WDCP: variants seen among roughly 807,000 people sequenced by gnomAD.
The protein encoded by WDCP is WD repeat and coiled-coil-containing protein.
A neutral mutation model predicts 41.6 loss-of-function variants in WDCP; 19 were observed. That is an observed-to-expected ratio of 0.46 (90% confidence interval 0.32 to 0.67). The LOEUF (loss-of-function observed/expected upper bound fraction) is 0.67, where lower values mean the gene tolerates loss of function less well. Ranked by LOEUF, WDCP falls within the 30% of genes least tolerant of loss-of-function variation. The probability of loss-of-function intolerance (pLI) is 0.04; values close to 1 mark genes in which losing one functional copy is unlikely to be tolerated. For synonymous variants in WDCP, 302 were observed against 320.8 expected (o/e 0.94, Z 0.63); for missense variants, 802 against 850.7 (o/e 0.94, Z 0.71).
chr2:24,032,489 C>T (rs1663124364), intron 3 of WDCP, among the ~76,000 whole-genome samples: 1 of 152,102 alleles, frequency 6.6e-6, no homozygotes, highest in Non-Finnish European at 1.5e-5. Context: ...GGTGGCAGAG[C>T]AAGACTCCAT....
Position 24,031,055 on chromosome 2 carries a change from C to T in WDCP, c.2044G>A (p.Val682Ile). 6.2e-7 allele frequency: 1 copy of T among 1,614,226 alleles called. No homozygotes were observed. Among genetic ancestry groups the T allele is most frequent in the South Asian group, 1.1e-5 (1 of 91,086 alleles). ...CTGTGAGAAAAAGAGTCTCTGAAGACATCTGACCTGGACAGGCTGCCATCT... is the reference window on the plus strand; with the variant it reads ...CTGTGAGAAAAAGAGTCTCTGAAGATATCTGACCTGGACAGGCTGCCATCT... ...IRDGSLSRSD[V>I]FRDSFSHSPG... The change falls in exon 4 of 4, where the codon GTC becomes ATC. Residue 682 changes from valine to isoleucine, a missense_variant. Val to Ile is a conservative substitution (Grantham distance 29). Coordinates refer to ENST00000295148, the MANE Select transcript of WDCP (RefSeq NM_025203.3).
chr2:24,036,226 C>A (rs1663252610), intron 2 of WDCP, among the ~76,000 whole-genome samples: 1 of 151,846 alleles, frequency 6.6e-6, no homozygotes, highest in Non-Finnish European at 1.5e-5. Context: ...AGGGTTGGGG[C>A]CACATGCAGT....
At chr2:24,046,664 G>A (rs543430537) in intron 1 of WDCP, among the ~76,000 whole-genome samples, 11 of 152,060 alleles carry the variant, frequency 7.2e-5, no homozygotes, top group East Asian at 1.9e-4. Context: ...CAAGTTTATT[G>A]TATTTCCACT....
chr2:24,038,125 T>G lies in WDCP; in HGVS notation c.1370A>C (p.Lys457Thr), dbSNP rs990955417. ...TYSTFSAPLN[K>T]ANRKKLIESL... The stretch of plus-strand genomic sequence containing the variant: ...TTCAATTAACTTTTTTCTATTTGCT[T>G]TATTTAACGGAGCACTGAAAGTAGA... Residue 457 changes from lysine (K) to threonine (T), a missense_variant, in exon 2 of 4, where the codon AAA (lysine) becomes ACA (threonine). Coordinates refer to ENST00000295148, the MANE Select transcript of WDCP (RefSeq NM_025203.3). 6.2e-7 allele frequency: 1 copy of G among 1,614,232 alleles called. No individual in the cohort carries two copies. The highest frequency in any genetic ancestry group is 1.3e-5 in the African/African-American group (1 of 75,066).
chr2:24,043,404 A>T (rs879553546), intron 1 of WDCP, among the ~76,000 whole-genome samples: 32 of 152,018 alleles, frequency 2.1e-4, no homozygotes, highest in Admixed American at 1.2e-3. Context: ...CCAACAATTT[A>T]GGAGGCCAAG....
rs553987927 is a variant in WDCP at position 24,030,321 on chromosome 2, C to T, written c.*612G>A. 3 of 152,244 alleles carry T rather than the reference C, an allele frequency of 2.0e-5. No individual in the cohort carries two copies. In the South Asian group the frequency reaches 6.2e-4, roughly 32 times the overall value. The allele number at this position is 152,244 out of a possible 1,614,324, so 9.4% of individuals were successfully genotyped here. The stretch of plus-strand genomic sequence containing the variant: ...TCCCAGGGCCAGTTTTTAAGAGTAC[C>T]TGGACCTTCGTCAGCCAGAATTTGT... On this transcript the variant is annotated 3_prime_UTR_variant, in exon 4 of 4. Transcript: ENST00000295148.
chr2:24,035,339 A>G (rs979831475), intron 2 of WDCP, among the ~76,000 whole-genome samples: 1 of 130,488 alleles, frequency 7.7e-6, no homozygotes, highest in Non-Finnish European at 1.7e-5. Flanking sequence ...AAAAGGGGAA[A>G]TAAAAATACA....
At chr2:24,042,167 C>G (rs1208774517) in intron 1 of WDCP, among the ~76,000 whole-genome samples, 2 of 151,924 alleles carry the variant, frequency 1.3e-5, no homozygotes, top group Non-Finnish European at 2.9e-5. Context: ...TTTGGGAGCC[C>G]GAGAAGGGCA....
intron 3 of WDCP, among the ~76,000 whole-genome samples, chr2:24,031,721 G>C (rs1198026949): frequency 6.6e-6 from 1 of 152,072 alleles, no homozygotes; most frequent in Non-Finnish European, 1.5e-5. Flanking sequence ...AGCTACTCGG[G>C]AGGCTGAGGC....
chr2:24,038,582 T>C lies in WDCP; in HGVS notation c.913A>G (p.Lys305Glu), dbSNP rs1248887857. The C allele has an allele frequency of 8.1e-6, 13 of 1,613,992 alleles. No individual in the cohort carries two copies. In the Admixed American group the frequency reaches 2.2e-4, roughly 27 times the overall value. ...SEGNSLICLR[K>E]KDYLTGTGQD... ...CCAGTTCCTGTCAAGTAGTCCTTTT[T>C]TCTTAGACAAATAAGAGAATTACCC... Residue 305 changes from lysine to glutamate, a missense_variant, in exon 2 of 4, where the codon AAA becomes GAA. Lys to Glu is a moderately conservative substitution (Grantham distance 56, BLOSUM62 1). Transcript: ENST00000295148.
intron 1 of WDCP, among the ~76,000 whole-genome samples, chr2:24,043,697 T>C (rs945885817): frequency 6.6e-6 from 1 of 152,230 alleles, no homozygotes; most frequent in African/African-American, 2.4e-5. Context: ...AGTGCTTCCC[T>C]GTCACTGAAT....
rs1041213530 is a variant in WDCP, at chr2:24,047,386, A to C, written c.-91T>G. 6.6e-6 allele frequency: 1 copy of C among 152,124 alleles called. No individual in the cohort carries two copies. The highest frequency in any genetic ancestry group is 2.4e-5 in the African/African-American group (1 of 41,404). The allele number at this position is 152,124 out of a possible 1,614,324, so 9.4% of individuals were successfully genotyped here. ...CAACATCACGCCGCCGCACATAAGA[A>C]GTTCTGGGCAGCCACCGGAAGCACC... On this transcript the variant is annotated 5_prime_UTR_variant, in exon 1 of 4. Coordinates refer to ENST00000295148, the MANE Select transcript of WDCP (RefSeq NM_025203.3).
chr2:24,033,034 T>C (rs541823640), intron 2 of WDCP, 88 bp from the exon 3 acceptor site: 6 of 886,174 alleles, frequency 6.8e-6, no homozygotes, highest in Middle Eastern at 4.4e-4. Flanking sequence ...AATAGTTTTT[T>C]AAAAAATTCT....
chr2:24,039,482 T>C lies in WDCP; in HGVS notation c.13A>G (p.Lys5Glu). 6.2e-7 allele frequency: 1 copy of C among 1,611,052 alleles called. No homozygotes were observed. The highest frequency in any genetic ancestry group is 8.5e-7 in the Non-Finnish European group (1 of 1,177,332). The change falls in exon 2 of 4, where the codon AAA (lysine) becomes GAA (glutamate). Residue 5 changes from lysine to glutamate, a missense_variant. Physicochemically the swap from Lys to Glu is moderately conservative, Grantham distance 56. This residue lies in a region of WDCP where 214 missense variants were observed against 252.9 expected (regional missense o/e 0.85). Coordinates refer to ENST00000295148, the MANE Select transcript of WDCP (RefSeq NM_025203.3). Reference sequence around the variant, plus strand: ...AGTCCAGTCCTGAGTAGTTTTCCTTTTCCCAACTCCATCCTTTTGATAAAG... The same window carrying C: ...AGTCCAGTCCTGAGTAGTTTTCCTTCTCCCAACTCCATCCTTTTGATAAAG... Reference protein sequence around the residue: MELGKGKLLRTGLNA... With the variant: MELGEGKLLRTGLNA...
At position 24,039,284 on chromosome 2, in the gene WDCP, C is replaced by T. The variant is rs781766339; in HGVS notation, c.211G>A (p.Asp71Asn). The change falls in exon 2 of 4, where the codon GAT (aspartate) becomes AAT (asparagine). Residue 71 changes from aspartate to asparagine, a missense_variant. Asp to Asn is a conservative substitution (Grantham distance 23, BLOSUM62 1). Transcript: ENST00000295148. ...CGLSWAPPVA[D>N]DTPVLLAVQH... ...ACAGCGAGTAGAACAGGTGTATCATCTGCAACAGGTGGGGCCCAGGACAAC... is the reference window on the plus strand; with the variant it reads ...ACAGCGAGTAGAACAGGTGTATCATTTGCAACAGGTGGGGCCCAGGACAAC... The T allele has an allele frequency of 2.8e-5, 45 of 1,614,118 alleles. No homozygotes were observed. Among genetic ancestry groups the T allele is most frequent in the Non-Finnish European group, 3.7e-5 (44 of 1,180,046 alleles).
chr2:24,045,703 T>A (rs1444882695), intron 1 of WDCP: 1 of 150,280 alleles, frequency 6.7e-6, no homozygotes, highest in Admixed American at 6.6e-5. Flanking sequence ...GCAGGCACAG[T>A]GGCTAACACC....
chr2:24,043,231 G>A (rs963436403), intron 1 of WDCP, among the ~76,000 whole-genome samples: 1 of 152,172 alleles, frequency 6.6e-6, no homozygotes, highest in Non-Finnish European at 1.5e-5. Context: ...AGCTACTTGG[G>A]AGGCTGAGAC....
chr2:24,039,642 G>T, intron 1 of WDCP, 130 bp from the exon 2 acceptor site: 1 of 734,504 alleles, frequency 1.4e-6, no homozygotes, highest in Non-Finnish European at 2.2e-6. Context: ...GACAGGGGGA[G>T]TATTATAAAT....
Position 24,038,321 on chromosome 2 carries a change from A to C in WDCP, c.1174T>G (p.Cys392Gly), listed in dbSNP as rs986786876. 2.5e-6 allele frequency: 4 copies of C among 1,614,098 alleles called. No individual in the cohort carries two copies. In the African/African-American group the frequency reaches 5.3e-5, roughly 22 times the overall value. ...AGTAATAGTTGGTCTGTCAAGAAAC[A>C]TATCCCTTTTGGTCTTTCAGTGTTC... ...LENTERPKGICFLTDQLLLIL... is the reference protein window; with the variant it reads ...LENTERPKGIGFLTDQLLLIL... Residue 392 changes from cysteine to glycine, a missense_variant, in exon 2 of 4, where the codon TGT (cysteine) becomes GGT (glycine). By Grantham distance (159) the Cys-to-Gly change is radical. Around this residue, in one of 5 missense-constraint regions of WDCP, gnomAD observed 247 missense variants for 240.5 expected, o/e 1.03. Coordinates refer to ENST00000295148, the MANE Select transcript of WDCP (RefSeq NM_025203.3).
Sources: allele counts gnomAD v4.1 joint callset (sites outside exome capture counted in the v4.1 genomes callset), GRCh38; gene constraint gnomAD v4.1.1; regional missense constraint gnomAD v4.1.1; transcripts MANE v1.5; gene names NCBI Gene and HGNC (gene_info 2026-07-23, HGNC 2026-07-21).